Variants in CRYL1 observed in about 807,000 individuals in gnomAD.
CRYL1 encodes the protein crystallin lambda 1.
In CRYL1, 29 loss-of-function variants were observed where a neutral mutation model predicts 36.6. That is an observed-to-expected ratio of 0.79 (90% CI 0.59 to 1.08). The LOEUF (loss-of-function observed/expected upper bound fraction) is 1.08, where lower values mean the gene tolerates loss of function less well. CRYL1 is among the 50% of genes least tolerant of loss of function. CRYL1 has a pLI of 0.00. For missense variants in CRYL1, 411 were observed against 407.9 expected, an observed-to-expected ratio of 1.01 and a Z score of -0.06; for synonymous variants, 152 against 151.5, an observed-to-expected ratio of 1.00 and a Z score of -0.02.
At chr13:20,514,161 C>G (rs1482630175) in intron 1 of CRYL1, among the ~76,000 whole-genome samples, 1 of 152,182 alleles carries the variant, frequency 6.6e-6, no homozygotes, top group Non-Finnish European at 1.5e-5. Flanking sequence ...CCCCCACTTC[C>G]GTGTGCAGAG....
chr13:20,426,852 A>G (rs904048027), intron 5 of CRYL1: 4 of 985,490 alleles, frequency 4.1e-6, no homozygotes, highest in Non-Finnish European at 4.8e-6. Flanking sequence ...ACCCACCCTG[A>G]CAAATCAAGA....
chr13:20,476,109 C>T (rs1355636506), intron 3 of CRYL1, among the ~76,000 whole-genome samples: 1 of 152,174 alleles, frequency 6.6e-6, no homozygotes, highest in Non-Finnish European at 1.5e-5. Flanking sequence ...GCCAAAACAA[C>T]AGAAATAGCT....
intron 3 of CRYL1, among the ~76,000 whole-genome samples, chr13:20,485,601 G>A (rs962227748): frequency 2.0e-5 from 3 of 151,912 alleles, no homozygotes; most frequent in Non-Finnish European, 2.9e-5. Context: ...CCCAGGAGGT[G>A]GAGGTTGCAG....
chr13:20,431,994 T>G (rs1411446395), intron 5 of CRYL1, 108 bp downstream of exon 5: 1 of 1,581,560 alleles, frequency 6.3e-7, no homozygotes, highest in Non-Finnish European at 8.6e-7. Context: ...CTTTCCCAGC[T>G]TCCAGGCTGC....
intron 3 of CRYL1, among the ~76,000 whole-genome samples, chr13:20,451,355 A>G (rs779035621): frequency 1.3e-5 from 2 of 152,172 alleles, no homozygotes; most frequent in African/African-American, 4.8e-5. Context: ...TAAAAAGACA[A>G]CCTATGGATT....
intron 3 of CRYL1, among the ~76,000 whole-genome samples, chr13:20,476,437 T>A (rs527667812): frequency 6.6e-6 from 1 of 151,218 alleles, no homozygotes; most frequent in East Asian, 2.0e-4. Flanking sequence ...ACCAGACCCA[T>A]AAGAGGTGAA....
At chr13:20,446,835 G>C (rs2032468002) in intron 3 of CRYL1, among the ~76,000 whole-genome samples, 1 of 152,152 alleles carries the variant, frequency 6.6e-6, no homozygotes, top group African/African-American at 2.4e-5. Context: ...GCATTGACTA[G>C]AGCCTTTAAT....
chr13:20,419,997 G>A (rs1308251441), intron 5 of CRYL1, among the ~76,000 whole-genome samples: 1 of 152,260 alleles, frequency 6.6e-6, no homozygotes, highest in African/African-American at 2.4e-5. Context: ...ACTGCTAAGT[G>A]CTGCCCCACA....
At chr13:20,459,678 A>C (rs114689889) in intron 3 of CRYL1, among the ~76,000 whole-genome samples, 8,529 of 152,226 alleles carry the variant, frequency 0.056, 807 homozygotes, top group African/African-American at 0.19. Flanking sequence ...AGAGGGGAAC[A>C]GACATTGGGG....
At chr13:20,451,886 C>G (rs1336048106) in intron 3 of CRYL1, among the ~76,000 whole-genome samples, 1 of 152,054 alleles carries the variant, frequency 6.6e-6, no homozygotes, top group Non-Finnish European at 1.5e-5. Context: ...ACTTAGGTAC[C>G]CATCAACACT....
intron 2 of CRYL1, among the ~76,000 whole-genome samples, chr13:20,496,841 T>G: frequency 3.6e-5 from 1 of 27,434 alleles, no homozygotes. Context: ...CAAGACCCCG[T>G]CTCAAAAAAA....
intron 1 of CRYL1, among the ~76,000 whole-genome samples, chr13:20,516,018 C>T (rs1287289159): frequency 1.3e-5 from 2 of 152,004 alleles, no homozygotes; most frequent in East Asian, 1.9e-4. Flanking sequence ...ATGGGGAAAC[C>T]CCATCTCTAC....
rs968393943 is a variant in CRYL1, at chr13:20,427,279, G to C, written c.633+4823C>G. ...CATCTGGCATTTCCAAGACCACAGG[G>C]CTGCTTCATCCCAAAACTGAAGCCA... is the stretch of plus-strand genomic sequence containing the variant. On this transcript the variant is annotated intron_variant, in intron 5 of 7. Coordinates refer to ENST00000298248, the MANE Select transcript of CRYL1 (RefSeq NM_015974.3). 27 of 985,464 alleles carry C rather than the reference G, an allele frequency of 2.7e-5. No individual in the cohort carries two copies. In the African/African-American group the frequency reaches 4.5e-4, roughly 17 times the overall value. The allele number at this position is 985,464 out of a possible 1,614,324, so 61.0% of individuals were successfully genotyped here. A position where few individuals can be genotyped will look rare whatever the true frequency, so the allele number is the denominator to read the frequency against.
intron 3 of CRYL1, among the ~76,000 whole-genome samples, chr13:20,482,641 C>T (rs942867658): frequency 9.2e-5 from 14 of 152,252 alleles, no homozygotes; most frequent in Admixed American, 2.0e-4. Flanking sequence ...AAACAATCCA[C>T]TGGGGAAAAC....
At chr13:20,506,473 T>G (rs1176882304) in intron 2 of CRYL1, among the ~76,000 whole-genome samples, 1 of 152,046 alleles carries the variant, frequency 6.6e-6, no homozygotes, top group Non-Finnish European at 1.5e-5. Context: ...CCAATGATAT[T>G]AAGAAATACA....
intron 1 of CRYL1, among the ~76,000 whole-genome samples, chr13:20,518,068 GA>G (rs1444202796): frequency 2.0e-5 from 3 of 151,980 alleles, no homozygotes; most frequent in South Asian, 4.1e-4. Flanking sequence ...CAATAAATGT[GA>G]AAAAGCCATG....
At chr13:20,489,293 C>A in intron 3 of CRYL1, 77 bp downstream of exon 3, 1 of 1,581,802 alleles carries the variant, frequency 6.3e-7, no homozygotes, top group Non-Finnish European at 8.6e-7. Flanking sequence ...TGCTCTGTAT[C>A]CTGCCCTGTT....
At chr13:20,515,078 G>C (rs1221502206) in intron 1 of CRYL1, among the ~76,000 whole-genome samples, 2 of 152,322 alleles carry the variant, frequency 1.3e-5, no homozygotes, top group East Asian at 3.9e-4. Context: ...CTAAGTGGAA[G>C]AAACCAGTCA....
chr13:20,439,602 C>T lies in CRYL1; in HGVS notation c.429G>A (p.Val143=), dbSNP rs1020039343. The T allele has an allele frequency of 6.2e-7, 1 of 1,610,408 alleles. No homozygotes were observed. The highest frequency in any genetic ancestry group is 8.5e-7 in the Non-Finnish European group (1 of 1,178,604). ...AGLVHVKQCI[V]AHPVNPPYYI... ...GATTTAAAATACTCACAGGATGAGC[C>T]ACGATGCATTGCTTCACATGGACCA... Residue 143 remains valine, a synonymous_variant, in exon 4 of 8, where the codon GTG becomes GTA. Coordinates refer to ENST00000298248, the MANE Select transcript of CRYL1 (RefSeq NM_015974.3).
Sources: gnomAD v4.1 joint callset for allele counts (sites outside exome capture counted in the v4.1 genomes callset) on GRCh38, gnomAD v4.1.1 for gene constraint, MANE v1.5 for transcripts, NCBI Gene and HGNC (gene_info 2026-07-23, HGNC 2026-07-21) for gene names.